FAM193A: variants seen among roughly 807,000 people sequenced by gnomAD.
FAM193A encodes protein FAM193A.
FAM193A carries 22 observed loss-of-function variants against 126.5 expected under a neutral mutation model. The observed-to-expected ratio is 0.17, with a 90% CI of 0.12 to 0.25. FAM193A has a LOEUF of 0.25. FAM193A is among the 10% of genes least tolerant of loss of function. The pLI, the probability that FAM193A is intolerant of heterozygous loss-of-function variation, is 1.00. For synonymous variants in FAM193A, 761 were observed against 646.8 expected, an observed-to-expected ratio of 1.18 and a Z score of -2.68; for missense variants, 1,675 against 1,672.8, an observed-to-expected ratio of 1.00 and a Z score of -0.02.
chr4:2,609,107 C>A (rs991458331), intron 2 of FAM193A, among the ~76,000 whole-genome samples: 50 of 151,784 alleles, frequency 3.3e-4, no homozygotes, highest in Non-Finnish European at 5.3e-4. Context: ...TTAGCCAGAA[C>A]GGTCCCAGTC....
At chr4:2,546,615 T>C (rs978285182) in intron 1 of FAM193A, among the ~76,000 whole-genome samples, 1 of 152,222 alleles carries the variant, frequency 6.6e-6, no homozygotes, top group Non-Finnish European at 1.5e-5. Flanking sequence ...TTGTTCTTTT[T>C]TACTGCTGTG....
chr4:2,725,500 A>C (rs1720639005), intron 20 of FAM193A, among the ~76,000 whole-genome samples: 1 of 150,660 alleles, frequency 6.6e-6, no homozygotes, highest in Non-Finnish European at 1.5e-5. Context: ...AGAGGCAGTG[A>C]AATGTGAGAG....
chr4:2,580,560 TCTTCATGAATGA>T (rs1389530047), intron 1 of FAM193A, among the ~76,000 whole-genome samples: 1 of 152,160 alleles, frequency 6.6e-6, no homozygotes, highest in Non-Finnish European at 1.5e-5. Flanking sequence ...TGGAGGTGGG[TCTTCATGAATGA>T]CTTCATGAAT....
chr4:2,633,126 G>A (rs1187805719), intron 5 of FAM193A, among the ~76,000 whole-genome samples: 1 of 151,824 alleles, frequency 6.6e-6, no homozygotes, highest in Non-Finnish European at 1.5e-5. Flanking sequence ...GGCCGGGTGC[G>A]GTGGCTCACG....
At chr4:2,591,648 A>G (rs1265465355) in intron 1 of FAM193A, among the ~76,000 whole-genome samples, 1 of 152,272 alleles carries the variant, frequency 6.6e-6, no homozygotes, top group Non-Finnish European at 1.5e-5. Context: ...CATGTTTATA[A>G]GAAGTTTATC....
chr4:2,722,761 A>G, intron 20 of FAM193A, among the ~76,000 whole-genome samples: 1 of 152,222 alleles, frequency 6.6e-6, no homozygotes, highest in East Asian at 1.9e-4. Context: ...AGTTTAAGCA[A>G]CCATAATTAA....
At chr4:2,689,963 C>T (rs953591794) in intron 14 of FAM193A, among the ~76,000 whole-genome samples, 5 of 152,214 alleles carry the variant, frequency 3.3e-5, no homozygotes, top group Non-Finnish European at 7.3e-5. Context: ...GCCACATGGG[C>T]GTGGCCTCAG....
At position 2,619,811 on chromosome 4, in the gene FAM193A, C is replaced by G. The variant is rs532940532; in HGVS notation, c.502-5451C>G. 5.9e-5 allele frequency among the ~76,000 whole-genome samples: 9 copies of G among 152,282 alleles called. No homozygotes were observed. In the South Asian group the frequency reaches 1.5e-3, roughly 25 times the overall value. On this transcript the variant is annotated intron_variant, in intron 2 of 20. Transcript: ENST00000637812. ...GTTCAAACAATTCTCCTGCCTCAACCTCTCGAGTGGCTGGGATTGCAGGCT... is the reference window on the plus strand; with the variant it reads ...GTTCAAACAATTCTCCTGCCTCAACGTCTCGAGTGGCTGGGATTGCAGGCT...
At chr4:2,729,184 A>G (rs575748528) in intron 20 of FAM193A, among the ~76,000 whole-genome samples, 5 of 152,296 alleles carry the variant, frequency 3.3e-5, no homozygotes, top group South Asian at 4.1e-4. Context: ...GAATTGGGCA[A>G]GTGGGCTCAA....
At chr4:2,564,588 T>G in intron 1 of FAM193A, among the ~76,000 whole-genome samples, 1 of 152,112 alleles carries the variant, frequency 6.6e-6, no homozygotes, top group East Asian at 1.9e-4. Flanking sequence ...CTGGAAAAAG[T>G]GCTATTTTTC....
At chr4:2,672,944 G>T (rs1347749526) in intron 13 of FAM193A, among the ~76,000 whole-genome samples, 1 of 152,224 alleles carries the variant, frequency 6.6e-6, no homozygotes, top group African/African-American at 2.4e-5. Context: ...CAGAAACCCA[G>T]TGTGAAGAGC....
At chr4:2,617,417 C>A (rs181124031) in intron 2 of FAM193A, among the ~76,000 whole-genome samples, 1 of 148,918 alleles carries the variant, frequency 6.7e-6, no homozygotes, top group African/African-American at 2.5e-5. Flanking sequence ...AGGTGCCCAC[C>A]ACCGCACCTG....
At chr4:2,539,462 A>G (rs1253249229) in intron 1 of FAM193A, among the ~76,000 whole-genome samples, 1 of 152,130 alleles carries the variant, frequency 6.6e-6, no homozygotes, top group African/African-American at 2.4e-5. Flanking sequence ...TCTCTGTTGC[A>G]TAGGCTAGAG....
chr4:2,667,950 C>T (rs1382063519), intron 12 of FAM193A, among the ~76,000 whole-genome samples: 3 of 152,158 alleles, frequency 2.0e-5, no homozygotes, highest in Non-Finnish European at 2.9e-5. Flanking sequence ...GTTACACAAG[C>T]TGGAGTGGGG....
intron 1 of FAM193A, among the ~76,000 whole-genome samples, chr4:2,543,688 C>T (rs1177232380): frequency 6.6e-6 from 1 of 151,694 alleles, no homozygotes; most frequent in Non-Finnish European, 1.5e-5. Context: ...GAAACCCCAT[C>T]TCTACTAAAA....
chr4:2,592,377 C>T (rs1297190448), intron 1 of FAM193A, among the ~76,000 whole-genome samples: 1 of 152,148 alleles, frequency 6.6e-6, no homozygotes, highest in Non-Finnish European at 1.5e-5. Flanking sequence ...TGTGAGCCAC[C>T]GCGCCCAGCC....
chr4:2,591,813 C>T (rs1455418453), intron 1 of FAM193A, among the ~76,000 whole-genome samples: 1 of 152,166 alleles, frequency 6.6e-6, no homozygotes, highest in Non-Finnish European at 1.5e-5. Flanking sequence ...CACCCCCATG[C>T]ACACAGGCCA....
At chr4:2,728,233 G>A (rs1254364667) in intron 20 of FAM193A, among the ~76,000 whole-genome samples, 2 of 132,864 alleles carry the variant, frequency 1.5e-5, no homozygotes, top group Non-Finnish European at 3.1e-5. Flanking sequence ...GCCACACCCG[G>A]CCCAATTTTT....
intron 19 of FAM193A, among the ~76,000 whole-genome samples, chr4:2,702,589 C>T (rs773725990): frequency 4.6e-5 from 7 of 152,152 alleles, no homozygotes; most frequent in South Asian, 2.1e-4. Flanking sequence ...ATGTACAAGC[C>T]GTGAGTTCCC....
Sources: allele counts gnomAD v4.1 joint callset (sites outside exome capture counted in the v4.1 genomes callset), GRCh38; gene constraint gnomAD v4.1.1; transcripts MANE v1.5; gene names NCBI Gene and HGNC (gene_info 2026-07-23, HGNC 2026-07-21).